The following CHSY1 variants were observed in gnomAD, a reference collection of about 807,000 sequenced individuals.
CHSY1 encodes chondroitin sulfate synthase 1.
CHSY1 carries 13 observed loss-of-function variants against 59.8 expected under a neutral mutation model. The ratio of observed to expected loss-of-function variants is 0.22; its 90% CI spans 0.14 to 0.35. The LOEUF (loss-of-function observed/expected upper bound fraction) is 0.35. CHSY1 is among the 10% of genes least tolerant of loss of function. The probability of loss-of-function intolerance (pLI) is 1.00; values close to 1 mark genes in which losing one functional copy is unlikely to be tolerated. For synonymous variants in CHSY1, 459 were observed against 401.2 expected (o/e 1.14, Z -1.72); for missense variants, 947 against 1,030.6 (o/e 0.92, Z 1.11).
intron 2 of CHSY1, among the ~76,000 whole-genome samples, chr15:101,213,974 G>T (rs913908249): frequency 6.6e-6 from 1 of 152,216 alleles, no homozygotes. Context: ...AATGAAAACT[G>T]GCTCCTTCAA....
chr15:101,236,333 G>T (rs986513722), intron 1 of CHSY1, among the ~76,000 whole-genome samples: 1 of 152,228 alleles, frequency 6.6e-6, no homozygotes, highest in Non-Finnish European at 1.5e-5. Context: ...AAGGTAAGTG[G>T]ATCACGGGGG....
chr15:101,190,906 G>A (rs1039854342), intron 2 of CHSY1, among the ~76,000 whole-genome samples: 4 of 152,140 alleles, frequency 2.6e-5, no homozygotes, highest in Admixed American at 2.6e-4. Context: ...TAGAAGGGCC[G>A]AGAGGAGCGA....
At chr15:101,207,106 T>C (rs2038634765) in intron 2 of CHSY1, among the ~76,000 whole-genome samples, 4 of 152,182 alleles carry the variant, frequency 2.6e-5, no homozygotes, top group Admixed American at 2.0e-4. Flanking sequence ...CTAAGATAAC[T>C]GAAACAAATA....
At chr15:101,204,690 G>A (rs569881126) in intron 2 of CHSY1, among the ~76,000 whole-genome samples, 2 of 151,714 alleles carry the variant, frequency 1.3e-5, no homozygotes, top group East Asian at 3.9e-4. Flanking sequence ...GATCACTTGA[G>A]GACAGGGGTT....
chr15:101,223,951 C>T (rs1387177796), intron 2 of CHSY1, among the ~76,000 whole-genome samples: 3 of 152,368 alleles, frequency 2.0e-5, no homozygotes, highest in African/African-American at 4.8e-5. Flanking sequence ...ACTGTGGTCC[C>T]GTAAGATTGT....
At chr15:101,185,620 G>C (rs1477796988) in intron 2 of CHSY1, among the ~76,000 whole-genome samples, 2 of 150,724 alleles carry the variant, frequency 1.3e-5, no homozygotes, top group African/African-American at 4.9e-5. Context: ...AGTGCTTCTG[G>C]ATGGAATCTT....
At chr15:101,221,173 G>A (rs149495365) in intron 2 of CHSY1, among the ~76,000 whole-genome samples, 1 of 152,302 alleles carries the variant, frequency 6.6e-6, no homozygotes, top group African/African-American at 2.4e-5. Flanking sequence ...CCTGTCACAC[G>A]CAGGTACGCA....
At chr15:101,209,311 C>T (rs1027557920) in intron 2 of CHSY1, among the ~76,000 whole-genome samples, 2 of 152,158 alleles carry the variant, frequency 1.3e-5, no homozygotes, top group East Asian at 3.8e-4. Context: ...CTGTAAGCTC[C>T]AGAAGTGTCA....
At chr15:101,197,994 C>G (rs2045163) in intron 2 of CHSY1, among the ~76,000 whole-genome samples, 1 of 151,932 alleles carries the variant, frequency 6.6e-6, no homozygotes. Context: ...GTTTCCGTCA[C>G]GTCGCACAGA....
rs948308537 is a variant in CHSY1, at chr15:101,176,536, G to A, written c.*852C>T. 22 of 397,076 alleles carry A rather than the reference G, an allele frequency of 5.5e-5. No individual in the cohort carries two copies. Among genetic ancestry groups the A allele is most frequent in the Admixed American group, 8.8e-5 (2 of 22,686 alleles). The allele number at this position is 397,076 out of a possible 1,614,324, so 24.6% of individuals were successfully genotyped here. Reference sequence around the variant, plus strand: ...CTATTTAGGCCGAATGAACTACCACGAGAACAGCCACATACCTCACTGTGC... The same window carrying A: ...CTATTTAGGCCGAATGAACTACCACAAGAACAGCCACATACCTCACTGTGC... On this transcript the variant is annotated 3_prime_UTR_variant, in exon 3 of 3. Transcript: ENST00000254190.
At chr15:101,230,963 T>TA (rs2141272715) in intron 2 of CHSY1, among the ~76,000 whole-genome samples, 1 of 152,310 alleles carries the variant, frequency 6.6e-6, no homozygotes, top group South Asian at 2.1e-4. Context: ...AACAAGTACT[T>TA]ACTGGCTAAC....
intron 1 of CHSY1, among the ~76,000 whole-genome samples, chr15:101,239,248 CGT>C (rs1181881381): frequency 6.6e-6 from 1 of 152,236 alleles, no homozygotes; most frequent in Non-Finnish European, 1.5e-5. Flanking sequence ...TGGTGCCACA[CGT>C]GTTTGCAAAA....
chr15:101,221,431 C>T (rs887153140), intron 2 of CHSY1, among the ~76,000 whole-genome samples: 12 of 152,250 alleles, frequency 7.9e-5, no homozygotes, highest in African/African-American at 2.6e-4. Context: ...AGGAGCCAAG[C>T]TTGCCCCACT....
intron 2 of CHSY1, 86 bp from the exon 3 acceptor site, chr15:101,179,066 A>G: frequency 7.7e-7 from 1 of 1,299,192 alleles, no homozygotes; most frequent in Non-Finnish European, 1.1e-6. Flanking sequence ...AATATTAGAA[A>G]TGTTTCTGAA....
At chr15:101,191,800 A>G (rs2038449729) in intron 2 of CHSY1, among the ~76,000 whole-genome samples, 1 of 152,158 alleles carries the variant, frequency 6.6e-6, no homozygotes, top group Non-Finnish European at 1.5e-5. Flanking sequence ...TATCTATGTT[A>G]AGTAGATTGT....
intron 2 of CHSY1, among the ~76,000 whole-genome samples, chr15:101,233,625 C>A (rs2141274299): frequency 6.6e-6 from 1 of 152,238 alleles, no homozygotes; most frequent in African/African-American, 2.4e-5. Flanking sequence ...AGTGAGCTGT[C>A]CCCTATGTGC....
chr15:101,199,714 G>A (rs1457354263), intron 2 of CHSY1, among the ~76,000 whole-genome samples: 2 of 152,122 alleles, frequency 1.3e-5, no homozygotes, highest in Non-Finnish European at 2.9e-5. Context: ...ATTCAAGTTA[G>A]ATGAAAAACC....
At chr15:101,194,894 A>G (rs943242307) in intron 2 of CHSY1, among the ~76,000 whole-genome samples, 1 of 152,190 alleles carries the variant, frequency 6.6e-6, no homozygotes, top group Admixed American at 6.5e-5. Context: ...TGATGCCAAG[A>G]AGATAAGATC....
rs2038185895 is a variant in CHSY1, at chr15:101,176,209, G to A, written c.*1179C>T. 3 of 398,526 alleles carry A rather than the reference G, an allele frequency of 7.5e-6. No individual in the cohort carries two copies. The highest frequency in any genetic ancestry group is 1.3e-5 in the Non-Finnish European group (3 of 225,982). 24.7% of individuals were successfully genotyped at this position (398,526 alleles called of 1,614,324 possible). On this transcript the variant is annotated 3_prime_UTR_variant, in exon 3 of 3. Transcript: ENST00000254190. ...TAACAGGTACTCAAGAAATGGCAGA[G>A]CTCTGAACAACAGATATTAAATAAA...
Sources: allele counts gnomAD v4.1 joint callset (sites outside exome capture counted in the v4.1 genomes callset), GRCh38; gene constraint gnomAD v4.1.1; transcripts MANE v1.5; gene names NCBI Gene and HGNC (gene_info 2026-07-23, HGNC 2026-07-21).